The following P2RX5 variants were observed in gnomAD, a reference collection of about 807,000 sequenced individuals.
P2RX5 encodes P2X purinoceptor 5.
P2RX5 carries 46 observed loss-of-function variants against 54.1 expected under a neutral mutation model. The ratio of observed to expected loss-of-function variants is 0.85; its 90% CI spans 0.67 to 1.09. The LOEUF is 1.09. Ranked by LOEUF, P2RX5 falls within the 50% of genes least tolerant of loss-of-function variation. P2RX5 has a pLI of 0.00. For missense variants in P2RX5, 566 were observed against 549.8 expected, an observed-to-expected ratio of 1.03 and a Z score of -0.29; for synonymous variants, 226 against 226.4, an observed-to-expected ratio of 1.00 and a Z score of 0.02.
chr17:3,677,189 C>T lies in P2RX5; in HGVS notation c.1259+2401G>A, dbSNP rs979991896. ...CGGAGGGAGGGGAATGAGGGCCTCC[C>T]TAACTCAGCCCGTTTACACCTGCTG... is the stretch of plus-strand genomic sequence containing the variant. On this transcript the variant is annotated intron_variant, in intron 11 of 11. Transcript: ENST00000225328. 1.1e-5 allele frequency: 11 copies of T among 985,266 alleles called. No homozygotes were observed. In the Admixed American group the frequency reaches 6.8e-4, roughly 61 times the overall value. 61.0% of individuals were successfully genotyped at this position (985,266 alleles called of 1,614,324 possible).
chr17:3,699,844 G>GAAAAGGA (rs1567744209), upstream of P2RX5, among the ~76,000 whole-genome samples: 37 of 105,916 alleles, frequency 3.5e-4, 1 homozygote, highest in African/African-American at 1.2e-3. Flanking sequence ...GAGAGAGAAA[G>GAAAAGGA]AAAAAGAAAA....
rs748368705 is a variant in P2RX5 at position 3,691,630 on chromosome 17, G to A, written c.288+14C>T. The A allele has an allele frequency of 6.2e-7, 1 of 1,614,122 alleles. No homozygotes were observed. The highest frequency in any genetic ancestry group is 8.5e-7 in the Non-Finnish European group (1 of 1,180,034). On this transcript the variant is annotated intron_variant, in intron 2 of 11. Transcript: ENST00000225328. ...CCTGCCAGCCTTGGCCGTGTGCTAG[G>A]TGGGGACTCAGACCTGGGCTGGAAT...
intron 2 of P2RX5, among the ~76,000 whole-genome samples, 185 bp downstream of exon 2, chr17:3,691,459 G>A (rs140288146): frequency 2.2e-4 from 34 of 152,370 alleles, no homozygotes; most frequent in African/African-American, 8.2e-4. Context: ...CAGTCAAAGA[G>A]GGCAGGGGTT....
the P2RX5 span, chr17:3,716,556 TGAA>T: frequency 6.1e-6 from 4 of 660,746 alleles, no homozygotes; most frequent in Admixed American, 5.1e-5. Context: ...GGTGTGCAGT[TGAA>T]GGAGGAGAAA....
chr17:3,696,130 C>T lies in P2RX5; in HGVS notation c.-125G>A. On this transcript the variant is annotated 5_prime_UTR_variant, in exon 1 of 12. Coordinates refer to ENST00000225328, the MANE Select transcript of P2RX5 (RefSeq NM_002561.4). ...CGTCTGCGCCCGCTCAGCTGCAGCC[C>T]GGGGTGTCCGGCAGGGCTGCGGGGC... The T allele has an allele frequency of 9.6e-7, 1 of 1,040,246 alleles. No individual in the cohort carries two copies. 64.4% of individuals were successfully genotyped at this position (1,040,246 alleles called of 1,614,324 possible). A position where few individuals can be genotyped will look rare whatever the true frequency, so the allele number is the denominator to read the frequency against.
intron 9 of P2RX5, among the ~76,000 whole-genome samples, chr17:3,683,659 G>T (rs1010981468): frequency 9.2e-5 from 14 of 151,948 alleles, no homozygotes; most frequent in Admixed American, 9.2e-4. Flanking sequence ...GAGCCTGGGA[G>T]GCAGAGGCTG....
rs913772446 is a variant in P2RX5, at chr17:3,696,066, G to C, written c.-61C>G. The C allele has an allele frequency of 8.9e-6, 14 of 1,566,538 alleles. No homozygotes were observed. In the East Asian group the frequency reaches 1.4e-4, roughly 16 times the overall value. On this transcript the variant is annotated 5_prime_UTR_variant, in exon 1 of 12. Transcript: ENST00000225328. ...CCACGTGCGCTCATGGGGAGCACTC[G>C]GTCCCTCGGTCCCTGCGCGCCCGGC...
chr17:3,677,915 C>T, intron 11 of P2RX5: 1 of 985,412 alleles, frequency 1.0e-6, no homozygotes, highest in East Asian at 1.1e-4. Flanking sequence ...CCCCTCCTCA[C>T]TCAGCAAAAA....
the P2RX5 span, chr17:3,720,247 G>T: frequency 1.3e-6 from 1 of 782,660 alleles, no homozygotes; most frequent in Non-Finnish European, 2.3e-6. Context: ...GTCTGTGGAG[G>T]TGCTCAAAGG....
chr17:3,715,840 G>A, the P2RX5 span, among the ~76,000 whole-genome samples: 2 of 151,912 alleles, frequency 1.3e-5, no homozygotes, highest in South Asian at 4.2e-4. Flanking sequence ...TCCAGCTTGG[G>A]GGACAAAGAC....
the P2RX5 span, among the ~76,000 whole-genome samples, chr17:3,711,751 G>T: frequency 6.6e-6 from 1 of 152,092 alleles, no homozygotes; most frequent in Non-Finnish European, 1.5e-5. Context: ...CTGGAGTGCA[G>T]TGGCACGATC....
intron 11 of P2RX5, chr17:3,676,386 T>A (rs2050105642): frequency 1.0e-6 from 1 of 985,240 alleles, no homozygotes; most frequent in Non-Finnish European, 1.2e-6. Context: ...CCTCCTGCAT[T>A]AGTAACACTG....
the P2RX5 span, among the ~76,000 whole-genome samples, chr17:3,711,314 G>C: frequency 1.4e-5 from 2 of 143,822 alleles, no homozygotes; most frequent in African/African-American, 2.6e-5. Context: ...ACGTTATTTA[G>C]ACCTCATTCA....
chr17:3,701,272 G>A, the P2RX5 span, among the ~76,000 whole-genome samples: 1 of 152,168 alleles, frequency 6.6e-6, no homozygotes, highest in East Asian at 1.9e-4. Flanking sequence ...TTGTTAGTGT[G>A]AGTGTATTTA....
the P2RX5 span, among the ~76,000 whole-genome samples, chr17:3,711,920 CT>C: frequency 7.1e-6 from 1 of 141,760 alleles, no homozygotes; most frequent in African/African-American, 2.7e-5. Context: ...TGTCTTCCTC[CT>C]CATTAAGTAG....
the P2RX5 span, among the ~76,000 whole-genome samples, chr17:3,710,911 GCGAGACC>G: frequency 6.6e-6 from 1 of 152,158 alleles, no homozygotes; most frequent in African/African-American, 2.4e-5. Context: ...ATGAACGAGA[GCGAGACC>G]CTGTCTCAAA....
the P2RX5 span, chr17:3,714,670 A>T: frequency 6.6e-6 from 3 of 454,054 alleles, no homozygotes; most frequent in African/African-American, 6.0e-5. Context: ...AATGTTTCCT[A>T]AGTTTACTTT....
At chr17:3,682,696 T>C (rs1178414965) in intron 9 of P2RX5, 1 of 155,742 alleles carries the variant, frequency 6.4e-6, no homozygotes, top group Non-Finnish European at 1.4e-5. Flanking sequence ...TTGGAAGGGT[T>C]CTAACCAACA....
At chr17:3,674,493 T>G (rs1413486222) in intron 11 of P2RX5, among the ~76,000 whole-genome samples, 1 of 152,206 alleles carries the variant, frequency 6.6e-6, no homozygotes. Flanking sequence ...CTGGCTCTTC[T>G]GAGCACGGGG....
Sources: allele counts gnomAD v4.1 joint callset (sites outside exome capture counted in the v4.1 genomes callset), GRCh38; gene constraint gnomAD v4.1.1; transcripts MANE v1.5; gene names NCBI Gene and HGNC (gene_info 2026-07-23, HGNC 2026-07-21).